PLXNA2: variants seen among roughly 807,000 people sequenced by gnomAD.
PLXNA2 encodes the protein plexin-A2.
In PLXNA2, 91 loss-of-function variants were observed where a neutral mutation model predicts 193.5. The ratio of observed to expected loss-of-function variants is 0.47; its 90% CI spans 0.40 to 0.56. The LOEUF (loss-of-function observed/expected upper bound fraction) is 0.56. PLXNA2 is among the 20% of genes least tolerant of loss of function. The pLI, the probability that PLXNA2 is intolerant of heterozygous loss-of-function variation, is 0.00. For synonymous variants in PLXNA2, 997 were observed against 1,027.3 expected, an observed-to-expected ratio of 0.97 and a Z score of 0.56; for missense variants, 1,995 against 2,503.2, an observed-to-expected ratio of 0.80 and a Z score of 4.33.
At chr1:208,171,217 T>C (rs965362015) in intron 3 of PLXNA2, among the ~76,000 whole-genome samples, 1 of 152,226 alleles carries the variant, frequency 6.6e-6, no homozygotes, top group Non-Finnish European at 1.5e-5. Flanking sequence ...GTTGGCACTG[T>C]CACAGCTTGA....
intron 1 of PLXNA2, 97 bp from the exon 2 acceptor site, chr1:208,218,099 G>C: frequency 4.0e-6 from 4 of 992,048 alleles, no homozygotes; most frequent in Non-Finnish European, 5.9e-6. Flanking sequence ...GTTTAGCTCT[G>C]TGAGTCTCCT....
intron 5 of PLXNA2, among the ~76,000 whole-genome samples, chr1:208,099,291 T>G (rs750875627): frequency 6.6e-6 from 1 of 152,042 alleles, no homozygotes; most frequent in South Asian, 2.1e-4. Flanking sequence ...AAGGAAGGAA[T>G]GAAGGGATTT....
chr1:208,155,977 G>A (rs567086077), intron 3 of PLXNA2, among the ~76,000 whole-genome samples: 1 of 152,328 alleles, frequency 6.6e-6, no homozygotes, highest in South Asian at 2.1e-4. Flanking sequence ...ATGAAGCGCA[G>A]TGAAGGAGTA....
At chr1:208,147,612 T>A (rs964793583) in intron 3 of PLXNA2, among the ~76,000 whole-genome samples, 3 of 152,168 alleles carry the variant, frequency 2.0e-5, no homozygotes, top group Non-Finnish European at 4.4e-5. Flanking sequence ...ATTCCTGAGG[T>A]AAATACTATT....
chr1:208,100,328 C>T (rs1162074594), intron 5 of PLXNA2, among the ~76,000 whole-genome samples: 1 of 151,874 alleles, frequency 6.6e-6, no homozygotes, highest in Non-Finnish European at 1.5e-5. Context: ...TACACTCTCA[C>T]CTGGGTGACA....
intron 1 of PLXNA2, among the ~76,000 whole-genome samples, chr1:208,241,950 T>A (rs1672067974): frequency 6.6e-6 from 1 of 152,160 alleles, no homozygotes; most frequent in Non-Finnish European, 1.5e-5. Context: ...TCACTGCCCC[T>A]TCAGCCTCCA....
At chr1:208,240,805 A>G (rs1234747808) in intron 1 of PLXNA2, among the ~76,000 whole-genome samples, 3 of 151,282 alleles carry the variant, frequency 2.0e-5, no homozygotes, top group Admixed American at 6.6e-5. Context: ...TTGCCTCTCC[A>G]TTTGCCATGA....
chr1:208,136,216 G>A (rs150840447), intron 4 of PLXNA2, among the ~76,000 whole-genome samples: 15 of 152,178 alleles, frequency 9.9e-5, no homozygotes, highest in Admixed American at 2.0e-4. Context: ...GAGATGAGCC[G>A]TCTTCAGTGC....
intron 6 of PLXNA2, among the ~76,000 whole-genome samples, chr1:208,097,945 C>G (rs2102410252): frequency 6.6e-6 from 1 of 152,118 alleles, no homozygotes; most frequent in Non-Finnish European, 1.5e-5. Context: ...CTCAAGCAAC[C>G]CTCTCCACCT....
chr1:208,038,787 C>T lies in PLXNA2; in HGVS notation c.4660+38G>A. ...TGGCAGCTTCCCTTCCTTCACCTCT[C>T]AACCCCTGCCCTCACACTCTGAGTC... On this transcript the variant is annotated intron_variant, in intron 25 of 31. Transcript: ENST00000367033. This position sits in a 1 kb window ranked among gnomAD's most constrained non-coding sequence, Gnocchi z 4.1. 1 of 1,601,222 alleles carries T rather than the reference C, an allele frequency of 6.2e-7. No homozygotes were observed. Among genetic ancestry groups the T allele is most frequent in the Non-Finnish European group, 8.5e-7 (1 of 1,171,516 alleles).
chr1:208,128,826 C>T (rs1410375494), intron 4 of PLXNA2, among the ~76,000 whole-genome samples: 9 of 151,742 alleles, frequency 5.9e-5, no homozygotes, highest in South Asian at 2.1e-4. Flanking sequence ...CTCAGCCTCC[C>T]GAGTAGCTGG....
chr1:208,242,469 A>G (rs1331741142), intron 1 of PLXNA2, among the ~76,000 whole-genome samples: 1 of 152,194 alleles, frequency 6.6e-6, no homozygotes, highest in Non-Finnish European at 1.5e-5. Flanking sequence ...GACTGCCTCA[A>G]GCTATGACTG....
intron 4 of PLXNA2, among the ~76,000 whole-genome samples, chr1:208,128,687 G>GTTCC (rs1668045354): frequency 1.7e-5 from 2 of 119,240 alleles, no homozygotes; most frequent in African/African-American, 6.5e-5. Flanking sequence ...AGTGTTTCCT[G>GTTCC]TTTCTTTCTT....
intron 3 of PLXNA2, among the ~76,000 whole-genome samples, chr1:208,146,145 A>T (rs1668594458): frequency 6.6e-6 from 1 of 152,236 alleles, no homozygotes; most frequent in East Asian, 1.9e-4. Context: ...CCCTCCCTTG[A>T]TCCCCTTTGC....
At chr1:208,196,427 A>G (rs1670362919) in intron 3 of PLXNA2, among the ~76,000 whole-genome samples, 1 of 152,220 alleles carries the variant, frequency 6.6e-6, no homozygotes, top group Non-Finnish European at 1.5e-5. Context: ...TTAAGCATGC[A>G]CTTACACAGA....
At chr1:208,177,421 G>T (rs4406632) in intron 3 of PLXNA2, among the ~76,000 whole-genome samples, 3 of 151,866 alleles carry the variant, frequency 2.0e-5, no homozygotes, top group Non-Finnish European at 4.4e-5. Flanking sequence ...ATTTGTAAAT[G>T]GGGATAATAA....
intron 12 of PLXNA2, among the ~76,000 whole-genome samples, chr1:208,078,835 CTT>C (rs913310479): frequency 6.6e-6 from 1 of 152,142 alleles, no homozygotes; most frequent in Non-Finnish European, 1.5e-5. Flanking sequence ...CCTTTACTCT[CTT>C]CTTCCATTTT....
chr1:208,205,245 C>A (rs575364381), intron 3 of PLXNA2, among the ~76,000 whole-genome samples: 1 of 152,316 alleles, frequency 6.6e-6, no homozygotes, highest in Admixed American at 6.5e-5. Context: ...TTCCTGTTGC[C>A]ACTCTTCCTC....
Position 208,044,886 on chromosome 1 carries a change from C to T in PLXNA2, c.3640-144G>A, listed in dbSNP as rs1374227446. 9.1e-6 allele frequency: 9 copies of T among 989,512 alleles called. No individual in the cohort carries two copies. The highest frequency in any genetic ancestry group is 5.1e-5 in the East Asian group (2 of 39,552). The allele number at this position is 989,512 out of a possible 1,614,324, so 61.3% of individuals were successfully genotyped here. ...CTAGATAAAAAGCAATTTCCTGCCT[C>T]GGCATCTGCCTTTCTTTTCTTGTGT... On this transcript the variant is annotated intron_variant, in intron 19 of 31. Transcript: ENST00000367033. The surrounding 1 kb of genome is among the most constrained non-coding windows in gnomAD (Gnocchi z 4.9).
Sources: allele counts gnomAD v4.1 joint callset (sites outside exome capture counted in the v4.1 genomes callset), GRCh38; gene constraint gnomAD v4.1.1; non-coding constraint Gnocchi (gnomAD v3.1); transcripts MANE v1.5; gene names NCBI Gene and HGNC (gene_info 2026-07-23, HGNC 2026-07-21).